The following PDE11A variants were observed in gnomAD, a reference collection of about 807,000 sequenced individuals.
PDE11A encodes dual 3',5'-cyclic-AMP and -GMP phosphodiesterase 11A.
PDE11A carries 100 observed loss-of-function variants against 100.5 expected under a neutral mutation model. The observed-to-expected ratio is 1.00, with a 90% confidence interval of 0.85 to 1.18. The LOEUF (loss-of-function observed/expected upper bound fraction) is 1.18. Ranked by LOEUF, PDE11A falls within the 50% of genes most tolerant of loss-of-function variation. PDE11A has a pLI of 0.00. For missense variants in PDE11A, 1,141 were observed against 1,152.6 expected (o/e 0.99, Z 0.15); for synonymous variants, 381 against 420.8 (o/e 0.91, Z 1.16).
At chr2:177,784,858 A>T (rs1362214861) in intron 9 of PDE11A, among the ~76,000 whole-genome samples, 1 of 152,220 alleles carries the variant, frequency 6.6e-6, no homozygotes, top group African/African-American at 2.4e-5. Context: ...AATTCATGCT[A>T]TGAATTGCCC....
At chr2:177,833,153 C>T (rs1380834962) in intron 6 of PDE11A, among the ~76,000 whole-genome samples, 2 of 152,160 alleles carry the variant, frequency 1.3e-5, no homozygotes, top group African/African-American at 4.8e-5. Flanking sequence ...CCACCACTAA[C>T]ACAGCCAGCC....
Position 178,072,578 on chromosome 2 carries a change from G to T in PDE11A, c.-141C>A. The T allele has an allele frequency of 6.5e-7, 1 of 1,527,306 alleles. No homozygotes were observed. The highest frequency in any genetic ancestry group is 8.7e-7 in the Non-Finnish European group (1 of 1,142,958). 94.6% of individuals were successfully genotyped at this position (1,527,306 alleles called of 1,614,324 possible). A position where few individuals can be genotyped will look rare whatever the true frequency, so the allele number is the denominator to read the frequency against. On this transcript the variant is annotated 5_prime_UTR_variant, in exon 1 of 20. It adds an upstream start codon to the 5' untranslated region. Transcript: ENST00000286063. Reference sequence around the variant, plus strand: ...CCTCCCCTGGAGATTATTCCCAGCAGTGGAATCTGGGAGATGCCCCTTCCT... The same window carrying T: ...CCTCCCCTGGAGATTATTCCCAGCATTGGAATCTGGGAGATGCCCCTTCCT...
At position 177,784,276 on chromosome 2, in the gene PDE11A, C is replaced by T. The variant is rs114323687; in HGVS notation, c.1738-14903G>A. On this transcript the variant is annotated intron_variant, in intron 9 of 19. Transcript: ENST00000286063. The stretch of plus-strand genomic sequence containing the variant: ...AAAACCAAGATGGCTATGAAAACAA[C>T]CTCTGGTCATTCTCAGTGCTCATTA... 5.1e-3 allele frequency among the ~76,000 whole-genome samples: 771 copies of T among 151,144 alleles called. 12 individuals carry two copies. Among genetic ancestry groups the T allele is most frequent in the African/African-American group, 0.018 (718 of 40,854 alleles).
At chr2:177,901,845 A>G (rs1242053698) in intron 3 of PDE11A, among the ~76,000 whole-genome samples, 2 of 152,316 alleles carry the variant, frequency 1.3e-5, no homozygotes, top group East Asian at 3.9e-4. Context: ...ATTTGTTGTG[A>G]TTGCATGGAG....
At chr2:177,691,610 T>C (rs181207387) in intron 15 of PDE11A, among the ~76,000 whole-genome samples, 19 of 152,278 alleles carry the variant, frequency 1.2e-4, no homozygotes, top group Admixed American at 2.0e-4. Flanking sequence ...ATTCCAGATA[T>C]ACTATTTAAT....
chr2:177,875,373 A>G (rs1425803750), intron 5 of PDE11A, among the ~76,000 whole-genome samples: 2 of 151,642 alleles, frequency 1.3e-5, no homozygotes, highest in African/African-American at 4.8e-5. Context: ...TTATTTATTT[A>G]TTTATTTTTA....
At chr2:177,678,415 T>G (rs1485050780) in intron 16 of PDE11A, among the ~76,000 whole-genome samples, 1 of 152,224 alleles carries the variant, frequency 6.6e-6, no homozygotes, top group Non-Finnish European at 1.5e-5. Context: ...AAACATGTGC[T>G]TATTTGAAGC....
At chr2:178,044,416 TTATA>T (rs905890373) in intron 1 of PDE11A, among the ~76,000 whole-genome samples, 2 of 148,436 alleles carry the variant, frequency 1.3e-5, no homozygotes, top group Non-Finnish European at 3.0e-5. Flanking sequence ...TATATAAACT[TTATA>T]TATATGTTTA....
chr2:177,910,573 C>T (rs1181367084), intron 2 of PDE11A, among the ~76,000 whole-genome samples: 8 of 152,016 alleles, frequency 5.3e-5, no homozygotes, highest in African/African-American at 1.9e-4. Context: ...TCTAAAAAGC[C>T]TTAATGACTA....
At chr2:177,743,617 GA>G (rs2081906547) in intron 10 of PDE11A, among the ~76,000 whole-genome samples, 1 of 152,216 alleles carries the variant, frequency 6.6e-6, no homozygotes, top group South Asian at 2.1e-4. Context: ...AAATTAAAAG[GA>G]AGTGAATTAG....
In PDE11A at chr2:177,629,466, C is replaced by G. The variant is rs144881528; in HGVS notation, c.2743G>C (p.Ala915Pro). 2.0e-4 allele frequency: 319 copies of G among 1,613,658 alleles called. No individual in the cohort carries two copies. Among genetic ancestry groups the G allele is most frequent in the Non-Finnish European group, 1.5e-4 (178 of 1,179,812 alleles). The change falls in exon 20 of 20, where the codon GCC becomes CCC. Residue 915 changes from alanine to proline, a missense_variant. Ala to Pro is a conservative substitution (Grantham distance 27). Coordinates refer to ENST00000286063, the MANE Select transcript of PDE11A (RefSeq NM_016953.4). Reference protein sequence around the residue: ...WEELHQKRLLASTASSSPASV... With the variant: ...WEELHQKRLLPSTASSSPASV... ...GCAGGGGAGGATGAGGCAGTTGAGG[C>G]CAGCAGTCGTTTTTGGTGTAGCTCT... is the stretch of plus-strand genomic sequence containing the variant.
At chr2:177,859,067 A>T (rs2083896247) in intron 5 of PDE11A, among the ~76,000 whole-genome samples, 1 of 152,012 alleles carries the variant, frequency 6.6e-6, no homozygotes, top group Non-Finnish European at 1.5e-5. Flanking sequence ...GGACACAGGA[A>T]GGGGAACATC....
rs549465303 is a variant in PDE11A at position 177,637,933 on chromosome 2, A to G, written c.2647-8371T>C. On this transcript the variant is annotated intron_variant, in intron 19 of 19. Transcript: ENST00000286063. ...TACATATATACACATACATATATACATATATACATATATACACATACATAT... is the reference window on the plus strand; with the variant it reads ...TACATATATACACATACATATATACGTATATACATATATACACATACATAT... Among the ~76,000 whole-genome samples, 3 of 145,008 alleles carry G rather than the reference A, an allele frequency of 2.1e-5. No individual in the cohort carries two copies. The East Asian group carries it at 6.0e-4, about 29-fold the overall frequency.
chr2:177,759,245 G>T (rs2082138229), intron 10 of PDE11A, among the ~76,000 whole-genome samples: 1 of 151,706 alleles, frequency 6.6e-6, no homozygotes, highest in Non-Finnish European at 1.5e-5. Flanking sequence ...ATTCAGAATA[G>T]CTAAAATTTC....
chr2:177,968,351 TA>T (rs1454789023), intron 2 of PDE11A, among the ~76,000 whole-genome samples: 1 of 152,220 alleles, frequency 6.6e-6, no homozygotes, highest in Non-Finnish European at 1.5e-5. Context: ...CAAACCCAGC[TA>T]AAAAGACAAA....
intron 2 of PDE11A, among the ~76,000 whole-genome samples, chr2:177,993,769 G>A (rs2086033634): frequency 6.6e-6 from 1 of 152,076 alleles, no homozygotes; most frequent in African/African-American, 2.4e-5. Context: ...AAAGAACAAT[G>A]AGTTTCCAGC....
intron 17 of PDE11A, among the ~76,000 whole-genome samples, chr2:177,674,870 T>C (rs1439894917): frequency 6.6e-6 from 1 of 152,186 alleles, no homozygotes; most frequent in Non-Finnish European, 1.5e-5. Context: ...GATTAACCTC[T>C]AAATACCATC....
In PDE11A at chr2:178,071,937, G is replaced by T. The variant is rs2087137557; in HGVS notation, c.501C>A (p.Thr167=). ...GCAGCGCACTGAGAATATGGGCTGT[G>T]GTGGGGGGCAGGGAGCTTGCCTTCC... is the stretch of plus-strand genomic sequence containing the variant. ...LLRKASSLPP[T]TAHILSALLE... is the part of the protein sequence containing the mutation. Residue 167 remains threonine (T), a synonymous_variant, in exon 1 of 20, where the codon ACC becomes ACA. Transcript: ENST00000286063. 1.2e-6 allele frequency: 2 copies of T among 1,614,116 alleles called. No homozygotes were observed. Among genetic ancestry groups the T allele is most frequent in the East Asian group, 2.2e-5 (1 of 44,872 alleles).
chr2:177,816,857 G>C lies in PDE11A; in HGVS notation c.1709C>G (p.Ser570Cys). ...NTIMYDQVKK[S>C]WAKQSVALDV... Reference sequence around the variant, plus strand: ...AAGAGCCACAGACTGCTTGGCCCAGGACTTCTTCACTTGATCATACATAAT... The same window carrying C: ...AAGAGCCACAGACTGCTTGGCCCAGCACTTCTTCACTTGATCATACATAAT... The change falls in exon 9 of 20, where the codon TCC becomes TGC. Residue 570 changes from serine to cysteine, a missense_variant. Physicochemically the swap from Ser to Cys is moderately radical, Grantham distance 112 (BLOSUM62 -1). Transcript: ENST00000286063. 2 of 1,606,444 alleles carry C rather than the reference G, an allele frequency of 1.2e-6. No homozygotes were observed. The highest frequency in any genetic ancestry group is 1.7e-6 in the Non-Finnish European group (2 of 1,173,122).
Sources: allele counts gnomAD v4.1 joint callset (sites outside exome capture counted in the v4.1 genomes callset), GRCh38; gene constraint gnomAD v4.1.1; transcripts MANE v1.5; gene names NCBI Gene and HGNC (gene_info 2026-07-23, HGNC 2026-07-21).